KIAA1217: variants seen among roughly 807,000 people sequenced by gnomAD.
KIAA1217 encodes the protein KIAA1217, also known as sickle tail protein homolog.
In KIAA1217, 88 loss-of-function variants were observed where a neutral mutation model predicts 163.9. That is an observed-to-expected ratio of 0.54 (90% CI 0.45 to 0.64). KIAA1217 has a LOEUF of 0.64. Among genes scored for constraint, KIAA1217 ranks in the 30% least tolerant of loss-of-function variants. KIAA1217 has a pLI of 0.00. For synonymous variants in KIAA1217, 903 were observed against 923.1 expected (o/e 0.98, Z 0.39); for missense variants, 2,372 against 2,475.0 (o/e 0.96, Z 0.88).
At chr10:24,340,400 C>T (rs1004878644) in intron 2 of KIAA1217, among the ~76,000 whole-genome samples, 1 of 152,204 alleles carries the variant, frequency 6.6e-6, no homozygotes, top group Non-Finnish European at 1.5e-5. Flanking sequence ...CTCTCCTTCT[C>T]TCTTGCCTGC....
chr10:24,160,004 T>C (rs1048146216), intron 2 of KIAA1217, among the ~76,000 whole-genome samples: 8 of 152,186 alleles, frequency 5.3e-5, no homozygotes, highest in African/African-American at 1.9e-4. Flanking sequence ...TTGTCAAAAA[T>C]CAGTTGTCTA....
chr10:23,864,363 C>T (rs1840085842), intron 1 of KIAA1217, among the ~76,000 whole-genome samples: 1 of 151,866 alleles, frequency 6.6e-6, no homozygotes, highest in South Asian at 2.1e-4. Context: ...TATGAAAGAC[C>T]CTTCAGTATC....
At chr10:23,814,931 A>G (rs1351932336) in intron 1 of KIAA1217, among the ~76,000 whole-genome samples, 2 of 152,186 alleles carry the variant, frequency 1.3e-5, no homozygotes, top group African/African-American at 2.4e-5. Context: ...AAAAGGTATC[A>G]ATTAAGTGAC....
At chr10:23,780,458 C>T in intron 1 of KIAA1217, among the ~76,000 whole-genome samples, 1 of 152,170 alleles carries the variant, frequency 6.6e-6, no homozygotes, top group East Asian at 1.9e-4. Context: ...TTTTGTTTTG[C>T]TTTGCTTTTA....
intron 9 of KIAA1217, among the ~76,000 whole-genome samples, chr10:24,504,514 C>A (rs1466278614): frequency 1.3e-5 from 2 of 152,182 alleles, no homozygotes; most frequent in African/African-American, 4.8e-5. Flanking sequence ...GGCACCAATT[C>A]TCCTTCAACA....
chr10:23,792,840 C>T (rs1836020407), intron 1 of KIAA1217, among the ~76,000 whole-genome samples: 1 of 152,056 alleles, frequency 6.6e-6, no homozygotes, highest in South Asian at 2.1e-4. Context: ...TGGGTAAAAA[C>T]TCTAAGCTTC....
intron 2 of KIAA1217, among the ~76,000 whole-genome samples, chr10:24,027,917 T>A (rs1053962698): frequency 2.6e-5 from 4 of 152,120 alleles, no homozygotes; most frequent in Admixed American, 6.6e-5. Flanking sequence ...GAGTTTCAAG[T>A]CTTGCTTAGG....
At chr10:24,277,225 C>A (rs1379286880) in intron 2 of KIAA1217, among the ~76,000 whole-genome samples, 1 of 152,222 alleles carries the variant, frequency 6.6e-6, no homozygotes, top group South Asian at 2.1e-4. Flanking sequence ...CAGCGCTCAA[C>A]CTGGATTCCT....
chr10:24,300,590 T>C (rs546750821), intron 2 of KIAA1217, among the ~76,000 whole-genome samples: 1 of 152,170 alleles, frequency 6.6e-6, no homozygotes, highest in African/African-American at 2.4e-5. Context: ...TTTTTTGAGA[T>C]GGAGTCTCAT....
intron 4 of KIAA1217, among the ~76,000 whole-genome samples, chr10:24,434,715 G>A (rs911266968): frequency 6.6e-6 from 1 of 152,062 alleles, no homozygotes; most frequent in Non-Finnish European, 1.5e-5. Flanking sequence ...CAAACAACCT[G>A]GAAAACAGGA....
intron 2 of KIAA1217, among the ~76,000 whole-genome samples, chr10:24,128,508 G>A (rs1016743775): frequency 2.0e-5 from 3 of 152,166 alleles, no homozygotes; most frequent in East Asian, 1.9e-4. Context: ...ACATTTTTGC[G>A]CTGCTTTTGT....
chr10:24,091,504 C>T (rs887121455), intron 2 of KIAA1217, among the ~76,000 whole-genome samples: 2 of 151,766 alleles, frequency 1.3e-5, no homozygotes, highest in Admixed American at 6.6e-5. Context: ...AATGTGTTTA[C>T]GTTATCAAGA....
chr10:23,696,361 G>C (rs913180479), intron 1 of KIAA1217, among the ~76,000 whole-genome samples: 1 of 152,220 alleles, frequency 6.6e-6, no homozygotes, highest in African/African-American at 2.4e-5. Context: ...AGTGGCTAAG[G>C]CATCTTCTCC....
At chr10:24,214,942 A>T (rs2068624454) in intron 1 of KIAA1217, among the ~76,000 whole-genome samples, 1 of 152,244 alleles carries the variant, frequency 6.6e-6, no homozygotes, top group Admixed American at 6.5e-5. Context: ...ACCCAGCCAG[A>T]GTAACCCGAG....
intron 2 of KIAA1217, among the ~76,000 whole-genome samples, chr10:24,126,333 G>GT (rs1288211342): frequency 2.6e-5 from 4 of 151,994 alleles, no homozygotes; most frequent in Non-Finnish European, 5.9e-5. Flanking sequence ...AATTGCTATA[G>GT]TTTTTATTTC....
chr10:23,967,899 A>ATGTGTGTGTGTGTG (rs58562978), intron 1 of KIAA1217, among the ~76,000 whole-genome samples: 6 of 143,934 alleles, frequency 4.2e-5, no homozygotes, highest in African/African-American at 1.3e-4. Context: ...AATATATTAA[A>ATGTGTGTGTGTGTG]TGTGTGTGTG....
At chr10:24,413,774 T>C (rs1461176427) in intron 3 of KIAA1217, among the ~76,000 whole-genome samples, 1 of 152,174 alleles carries the variant, frequency 6.6e-6, no homozygotes, top group Admixed American at 6.6e-5. Context: ...TTCTTCCAAA[T>C]ATCTTCACAT....
intron 11 of KIAA1217, among the ~76,000 whole-genome samples, chr10:24,520,807 C>T (rs2071115701): frequency 6.7e-6 from 1 of 148,738 alleles, no homozygotes; most frequent in Non-Finnish European, 1.5e-5. Context: ...CATTGCACCA[C>T]TGCACTCCAG....
intron 2 of KIAA1217, among the ~76,000 whole-genome samples, chr10:24,372,158 A>G (rs898661412): frequency 6.6e-6 from 1 of 152,106 alleles, no homozygotes; most frequent in African/African-American, 2.4e-5. Flanking sequence ...CAAACAGAAA[A>G]CCAATCACTG....
Sources: allele counts gnomAD v4.1 joint callset (sites outside exome capture counted in the v4.1 genomes callset), GRCh38; gene constraint gnomAD v4.1.1; transcripts MANE v1.5; gene names NCBI Gene and HGNC (gene_info 2026-07-23, HGNC 2026-07-21).